Variants in ATP11C observed in about 807,000 individuals in gnomAD.
ATP11C encodes phospholipid-transporting ATPase IG.
Under a neutral mutation model 97.4 loss-of-function variants are expected in ATP11C, and 36 were observed. The ratio of observed to expected loss-of-function variants is 0.37; its 90% confidence interval spans 0.28 to 0.49. The LOEUF is 0.49. Among genes scored for constraint, ATP11C ranks in the 20% least tolerant of loss-of-function variants. The probability of loss-of-function intolerance (pLI) is 0.98; values close to 1 mark genes in which losing one functional copy is unlikely to be tolerated. For synonymous variants in ATP11C, 275 were observed against 290.9 expected (o/e 0.95, Z 0.56); for missense variants, 730 against 824.6 (o/e 0.89, Z 1.40).
chrX:139,796,634 T>A (rs1300240879), intron 11 of ATP11C, among the ~76,000 whole-genome samples, 164 bp from the exon 12 acceptor site: 2 of 112,518 alleles, frequency 1.8e-5, no homozygotes, highest in East Asian at 5.6e-4. Context: ...GTCAAAATTA[T>A]CACAGTATGT....
chrX:139,787,283 A>T (rs1040485512), intron 14 of ATP11C, 39 bp from the exon 15 acceptor site: 13 of 1,063,536 alleles, frequency 1.2e-5, no homozygotes, highest in African/African-American at 1.9e-5. Flanking sequence ...GTATCTCTAA[A>T]GAATGATTAA....
intron 1 of ATP11C, among the ~76,000 whole-genome samples, chrX:139,868,055 G>C (rs1408034401): frequency 8.9e-6 from 1 of 112,000 alleles, no homozygotes; most frequent in East Asian, 2.8e-4. Context: ...AGATTTATGA[G>C]TGGAGATGAT....
At chrX:139,917,433 T>C (rs1350096559) in intron 1 of ATP11C, among the ~76,000 whole-genome samples, 1 of 111,764 alleles carries the variant, frequency 8.9e-6, no homozygotes, top group African/African-American at 3.3e-5. Context: ...GCAAATCATA[T>C]ATTTCATAAG....
intron 3 of ATP11C, among the ~76,000 whole-genome samples, chrX:139,818,071 T>C (rs955100984): frequency 9.0e-6 from 1 of 111,400 alleles, no homozygotes; most frequent in East Asian, 2.8e-4. Flanking sequence ...CTCTTCCCTA[T>C]CCCTGAAATA....
intron 23 of ATP11C, among the ~76,000 whole-genome samples, chrX:139,751,487 G>A (rs979828250): frequency 3.6e-5 from 4 of 112,182 alleles, no homozygotes; most frequent in African/African-American, 1.3e-4. Context: ...ATTTTCAAAG[G>A]AGAGGACTAG....
intron 1 of ATP11C, among the ~76,000 whole-genome samples, chrX:139,912,160 G>A (rs1159945656): frequency 2.6e-5 from 2 of 76,799 alleles, no homozygotes; most frequent in African/African-American, 5.6e-5. Context: ...GAGAGACAGA[G>A]TAAGACTCTG....
intron 1 of ATP11C, among the ~76,000 whole-genome samples, chrX:139,869,886 C>CAAA (rs59723137): frequency 2.4e-5 from 1 of 42,246 alleles, no homozygotes; most frequent in Non-Finnish European, 5.2e-5. Context: ...ACTAGACTGG[C>CAAA]AAAAAAAAAA....
chrX:139,817,860 A>T (rs192886503), intron 3 of ATP11C, among the ~76,000 whole-genome samples: 68 of 112,025 alleles, frequency 6.1e-4, no homozygotes, highest in African/African-American at 2.0e-3. Flanking sequence ...GAATGTTGTC[A>T]TCATTTACTG....
intron 5 of ATP11C, among the ~76,000 whole-genome samples, chrX:139,809,880 C>A (rs1317511965): frequency 9.1e-6 from 1 of 109,686 alleles, no homozygotes; most frequent in African/African-American, 3.3e-5. Flanking sequence ...GCAGGAGAAT[C>A]GCTTGAACCC....
chrX:139,800,827 C>T (rs1006867268), intron 7 of ATP11C, among the ~76,000 whole-genome samples: 1 of 112,006 alleles, frequency 8.9e-6, no homozygotes, highest in Non-Finnish European at 1.9e-5. Flanking sequence ...TTATAATCTG[C>T]ATCGTAAACA....
intron 10 of ATP11C, 149 bp downstream of exon 10, chrX:139,798,124 G>A (rs948511097): frequency 1.3e-5 from 6 of 478,755 alleles, no homozygotes; most frequent in African/African-American, 9.9e-5. Flanking sequence ...ACAAATCATT[G>A]AGCACAGTTT....
intron 1 of ATP11C, among the ~76,000 whole-genome samples, chrX:139,907,725 G>A: frequency 9.2e-6 from 1 of 108,581 alleles, no homozygotes; most frequent in African/African-American, 3.4e-5. Context: ...TCCGGCCTGG[G>A]AGACAGAGCG....
In ATP11C at chrX:139,788,288, T is replaced by C; in HGVS notation, c.1424A>G (p.Lys475Arg). ...AGCTCCATCAACAGCATCGTTTGTT[T>C]TGATTTCTACAGTATGACATAAACA... ...ALCLCHTVEI[K>R]TNDAVDGATE... Residue 475 changes from lysine (K) to arginine (R), a missense_variant, in exon 14 of 30, where the codon AAA (lysine) becomes AGA (arginine). Transcript: ENST00000682941. The C allele has an allele frequency of 8.3e-7, 1 of 1,209,005 alleles. No individual in the cohort carries two copies. Among genetic ancestry groups the C allele is most frequent in the Non-Finnish European group, 1.1e-6 (1 of 893,035 alleles).
chrX:139,804,682 A>G, intron 5 of ATP11C, 83 bp from the exon 6 acceptor site: 1 of 789,321 alleles, frequency 1.3e-6, no homozygotes, highest in Admixed American at 2.8e-5. Flanking sequence ...AACATTAGCA[A>G]GAGATTATCT....
intron 1 of ATP11C, among the ~76,000 whole-genome samples, chrX:139,869,511 G>A (rs1247493097): frequency 9.2e-6 from 1 of 108,797 alleles, no homozygotes; most frequent in South Asian, 4.0e-4. Flanking sequence ...GGGGGCAGGC[G>A]CGGTGGCTCA....
rs2081479414 is a variant in ATP11C, at chrX:139,737,965, G to A, written c.3239C>T (p.Pro1080Leu). Residue 1080 changes from proline to leucine, a missense_variant, in exon 28 of 30, where the codon CCT becomes CTT. By Grantham distance (98) the Pro-to-Leu change is moderately conservative. Transcript: ENST00000682941. ...IILLIFISLF[P>L]EILLIVLKNV... ...CTTTAATACTATCAGAAGAATCTCA[G>A]GGAACAGGCTGATAAATATTAGAAG... 8.3e-7 allele frequency: 1 copy of A among 1,202,347 alleles called. No homozygotes were observed. The highest frequency in any genetic ancestry group is 1.8e-5 in the African/African-American group (1 of 56,833).
chrX:139,761,988 T>C lies in ATP11C; in HGVS notation c.2613A>G (p.Ala871=), dbSNP rs2082047270. 1 of 1,199,721 alleles carries C rather than the reference T, an allele frequency of 8.3e-7. No homozygotes were observed. The highest frequency in any genetic ancestry group is 3.0e-5 in the East Asian group (1 of 33,782). Residue 871 remains alanine, a synonymous_variant, in exon 22 of 30, where the codon GCA becomes GCG. Coordinates refer to ENST00000682941, the MANE Select transcript of ATP11C (RefSeq NM_001353812.2). ...TATAGAAGAAGTACTGTACAAGGTGTGCTATTCTCACATAATATAGATGTC... is the reference window on the plus strand; with the variant it reads ...TATAGAAGAAGTACTGTACAAGGTGCGCTATTCTCACATAATATAGATGTC... ...AHGHLYYVRI[A]HLVQYFFYKN... is the part of the protein sequence containing the mutation.
intron 1 of ATP11C, among the ~76,000 whole-genome samples, chrX:139,847,519 AG>A (rs1378882087): frequency 9.1e-6 from 1 of 110,324 alleles, no homozygotes; most frequent in Non-Finnish European, 1.9e-5. Flanking sequence ...TGGGCAACAC[AG>A]TGAGACCTCA....
intron 1 of ATP11C, among the ~76,000 whole-genome samples, chrX:139,858,178 G>A (rs1332854664): frequency 4.4e-5 from 5 of 112,657 alleles, no homozygotes. Flanking sequence ...CTTTGAGAAC[G>A]GTAAGAAATC....
Sources: gnomAD v4.1 joint callset for allele counts (sites outside exome capture counted in the v4.1 genomes callset) on GRCh38, gnomAD v4.1.1 for gene constraint, MANE v1.5 for transcripts, NCBI Gene and HGNC (gene_info 2026-07-23, HGNC 2026-07-21) for gene names.